Variants in UNC5D observed in about 807,000 individuals in gnomAD.
UNC5D encodes the protein netrin receptor UNC5D.
A neutral mutation model predicts 105.4 loss-of-function variants in UNC5D; 39 were observed. The observed-to-expected ratio is 0.37, with a 90% confidence interval of 0.29 to 0.48. The LOEUF is 0.48. Among genes scored for constraint, UNC5D ranks in the 20% least tolerant of loss-of-function variants. UNC5D has a pLI of 0.98. For synonymous variants in UNC5D, 452 were observed against 450.4 expected, an observed-to-expected ratio of 1.00 and a Z score of -0.04; for missense variants, 991 against 1,202.4, an observed-to-expected ratio of 0.82 and a Z score of 2.60.
chr8:35,259,614 C>T (rs567869746), intron 1 of UNC5D, among the ~76,000 whole-genome samples: 1 of 152,162 alleles, frequency 6.6e-6, no homozygotes, highest in Non-Finnish European at 1.5e-5. Flanking sequence ...ACGTTTTTTC[C>T]TCCTCTCTGA....
intron 1 of UNC5D, among the ~76,000 whole-genome samples, chr8:35,390,946 G>A (rs993851611): frequency 1.6e-4 from 25 of 152,164 alleles, no homozygotes; most frequent in Admixed American, 1.3e-3. Context: ...TTTTTAGTGG[G>A]CAATGTCCAA....
chr8:35,323,188 CT>C (rs67076001), intron 1 of UNC5D, among the ~76,000 whole-genome samples: 5,149 of 125,692 alleles, frequency 0.041, 70 homozygotes, highest in South Asian at 0.063. Context: ...TTTTCTTTTT[CT>C]TTTTTTTTTT....
At chr8:35,776,887 T>C (rs1802271715) in intron 16 of UNC5D, among the ~76,000 whole-genome samples, 1 of 152,142 alleles carries the variant, frequency 6.6e-6, no homozygotes, top group African/African-American at 2.4e-5. Flanking sequence ...GGTGGAAGTG[T>C]CACTTGAGGC....
intron 10 of UNC5D, 86 bp downstream of exon 10, chr8:35,726,615 G>T: frequency 6.5e-7 from 1 of 1,547,344 alleles, no homozygotes; most frequent in Non-Finnish European, 8.7e-7. Context: ...TTCATTTTAT[G>T]ATGTTTACTC....
intron 10 of UNC5D, 50 bp from the exon 11 acceptor site, chr8:35,730,962 A>G (rs749130181): frequency 6.3e-7 from 1 of 1,576,988 alleles, no homozygotes; most frequent in African/African-American, 1.3e-5. Flanking sequence ...GACAAACTTC[A>G]TGATAATTGG....
chr8:35,553,027 C>G (rs1211113956), intron 2 of UNC5D, among the ~76,000 whole-genome samples: 2 of 152,162 alleles, frequency 1.3e-5, no homozygotes, highest in African/African-American at 4.8e-5. Flanking sequence ...TGTCTCTGTC[C>G]TAGATTTTGC....
intron 4 of UNC5D, among the ~76,000 whole-genome samples, chr8:35,621,277 A>G (rs1821347774): frequency 6.6e-6 from 1 of 152,180 alleles, no homozygotes; most frequent in African/African-American, 2.4e-5. Context: ...GATAGTCGTT[A>G]ACATGTGCCT....
At chr8:35,622,296 C>T (rs1294055940) in intron 4 of UNC5D, among the ~76,000 whole-genome samples, 1 of 152,034 alleles carries the variant, frequency 6.6e-6, no homozygotes, top group Admixed American at 6.6e-5. Context: ...GAGCCACAAT[C>T]GCACCACTGC....
intron 4 of UNC5D, among the ~76,000 whole-genome samples, chr8:35,641,264 G>A (rs1032994161): frequency 6.7e-6 from 1 of 149,330 alleles, no homozygotes; most frequent in Admixed American, 6.8e-5. Flanking sequence ...CTATTTTACA[G>A]CTGCCAAAAG....
intron 1 of UNC5D, among the ~76,000 whole-genome samples, chr8:35,362,957 T>C (rs1191822148): frequency 2.0e-5 from 3 of 152,264 alleles, no homozygotes; most frequent in East Asian, 3.9e-4. Context: ...GTATTTCTAA[T>C]TTCACAGTTT....
At chr8:35,460,913 A>G (rs2129654750) in intron 1 of UNC5D, among the ~76,000 whole-genome samples, 1 of 152,308 alleles carries the variant, frequency 6.6e-6, no homozygotes, top group East Asian at 1.9e-4. Context: ...AACTTCCTCC[A>G]TCCAGTGGTC....
chr8:35,701,256 C>G (rs1827176847), intron 7 of UNC5D, among the ~76,000 whole-genome samples: 2 of 152,188 alleles, frequency 1.3e-5, no homozygotes, highest in African/African-American at 4.8e-5. Context: ...TCAAACATAT[C>G]TATGCAGTAT....
At chr8:35,381,314 T>G (rs1287523299) in intron 1 of UNC5D, among the ~76,000 whole-genome samples, 1 of 152,166 alleles carries the variant, frequency 6.6e-6, no homozygotes, top group African/African-American at 2.4e-5. Flanking sequence ...TAATTTATCT[T>G]GTTCTTTTTA....
chr8:35,373,670 C>A (rs1224713475), intron 1 of UNC5D, among the ~76,000 whole-genome samples: 1 of 152,134 alleles, frequency 6.6e-6, no homozygotes, highest in Non-Finnish European at 1.5e-5. Flanking sequence ...ATCAGCAATG[C>A]ATTTAGGATT....
intron 4 of UNC5D, among the ~76,000 whole-genome samples, chr8:35,673,812 A>G (rs894834592): frequency 8.5e-5 from 13 of 152,200 alleles, no homozygotes; most frequent in Non-Finnish European, 1.6e-4. Context: ...ATGCTTTCCT[A>G]TAAGCTCTCC....
At chr8:35,774,178 C>A in intron 15 of UNC5D, 121 bp from the exon 16 acceptor site, 1 of 1,028,110 alleles carries the variant, frequency 9.7e-7, no homozygotes, top group Non-Finnish European at 1.4e-6. Flanking sequence ...TTTATAGAGT[C>A]CATCACAACA....
At chr8:35,606,377 G>T (rs917117984) in intron 4 of UNC5D, among the ~76,000 whole-genome samples, 1 of 152,200 alleles carries the variant, frequency 6.6e-6, no homozygotes, top group African/African-American at 2.4e-5. Context: ...ATTAAGGAGA[G>T]TCTGGAGTTT....
intron 12 of UNC5D, among the ~76,000 whole-genome samples, chr8:35,749,691 G>A (rs1482258522): frequency 6.6e-6 from 1 of 152,098 alleles, no homozygotes; most frequent in Non-Finnish European, 1.5e-5. Flanking sequence ...AAAGGGCCAT[G>A]TTTTAGTCCT....
rs73571720 is a variant in UNC5D, at chr8:35,607,930, C to T, written c.570+12273C>T. Among the ~76,000 whole-genome samples, 478 of 152,266 alleles carry T rather than the reference C, an allele frequency of 3.1e-3. 7 individuals carry two copies. The highest frequency in any genetic ancestry group is 0.011 in the African/African-American group (444 of 41,552). On this transcript the variant is annotated intron_variant, in intron 4 of 16. Coordinates refer to ENST00000404895, the MANE Select transcript of UNC5D (RefSeq NM_080872.4). ...TACGTCACTCAGTCTCTTCCTCCAC[C>T]GATTGCAGCTTCACATGGTGTTCTC...
Sources: allele counts gnomAD v4.1 joint callset (sites outside exome capture counted in the v4.1 genomes callset), GRCh38; gene constraint gnomAD v4.1.1; transcripts MANE v1.5; gene names NCBI Gene and HGNC (gene_info 2026-07-23, HGNC 2026-07-21).